The following ANKRD26 variants were observed in gnomAD, a reference collection of about 807,000 sequenced individuals.
ANKRD26 encodes ankyrin repeat domain 26, also known as ankyrin repeat domain-containing protein 26.
In ANKRD26, 141 loss-of-function variants were observed where a neutral mutation model predicts 208.7. The ratio of observed to expected loss-of-function variants is 0.68; its 90% CI spans 0.59 to 0.78. ANKRD26 has a LOEUF of 0.78. Ranked by LOEUF, ANKRD26 falls within the 30% of genes least tolerant of loss-of-function variation. The pLI is 0.00. For missense variants in ANKRD26, 1,889 were observed against 1,938.7 expected (o/e 0.97, Z 0.48); for synonymous variants, 636 against 660.4 (o/e 0.96, Z 0.57).
chr10:27,047,897 C>A (rs896264745), intron 17 of ANKRD26, among the ~76,000 whole-genome samples: 1 of 151,916 alleles, frequency 6.6e-6, no homozygotes, highest in East Asian at 1.9e-4. Flanking sequence ...GCGCCTGCCA[C>A]CATGCCTGCC....
chr10:27,066,531 C>T lies in ANKRD26; in HGVS notation c.1225G>A (p.Gly409Arg), dbSNP rs1182045224. Residue 409 changes from glycine to arginine, a missense_variant, in exon 11 of 34, where the codon GGA becomes AGA. By Grantham distance (125) the Gly-to-Arg change is moderately radical. Coordinates refer to ENST00000376087, the MANE Select transcript of ANKRD26 (RefSeq NM_014915.3). ...TCTATATCTTCCTCTTGTCCTAATC[C>T]TAATGCGGACATCATATCTATCAAA... Reference protein sequence around the residue: ...NNRSDMMSALGLGQEEDIESP... With the variant: ...NNRSDMMSALRLGQEEDIESP... The T allele has an allele frequency of 1.3e-6, 2 of 1,599,664 alleles. No individual in the cohort carries two copies. The highest frequency in any genetic ancestry group is 2.7e-5 in the African/African-American group (2 of 74,694).
chr10:26,953,193 G>C, the ANKRD26 span, among the ~76,000 whole-genome samples: 2 of 152,166 alleles, frequency 1.3e-5, no homozygotes, highest in African/African-American at 4.8e-5. Context: ...GGGAGGCTGA[G>C]GTGGGAGGTT....
chr10:27,011,321 T>C (rs1320881676), intron 32 of ANKRD26, among the ~76,000 whole-genome samples: 2 of 152,176 alleles, frequency 1.3e-5, no homozygotes, highest in East Asian at 1.9e-4. Context: ...CGGCTGCTAT[T>C]CACAGTTGCA....
At chr10:27,051,316 C>T (rs1259360881) in intron 16 of ANKRD26, 1 of 1,283,576 alleles carries the variant, frequency 7.8e-7, no homozygotes. Flanking sequence ...TTGTAAGCGT[C>T]TGTACCAGCA....
chr10:26,986,810 G>A (rs1475813199), intron 3 of ANKRD26, among the ~76,000 whole-genome samples: 1 of 152,226 alleles, frequency 6.6e-6, no homozygotes, highest in African/African-American at 2.4e-5. Flanking sequence ...GGAGAAATAG[G>A]AACACTTTTA....
chr10:26,960,486 C>T, the ANKRD26 span, among the ~76,000 whole-genome samples: 3 of 152,174 alleles, frequency 2.0e-5, no homozygotes, highest in Admixed American at 1.3e-4. Context: ...GAACACCACC[C>T]GACACCCAGT....
chr10:26,976,632 G>A (rs566593610), intron 5 of ANKRD26, among the ~76,000 whole-genome samples: 212 of 152,212 alleles, frequency 1.4e-3, no homozygotes, highest in African/African-American at 4.8e-3. Flanking sequence ...AAGGGAGGGC[G>A]GTTTGTTTGT....
At chr10:26,966,959 T>C in the ANKRD26 span, among the ~76,000 whole-genome samples, 1 of 152,220 alleles carries the variant, frequency 6.6e-6, no homozygotes, top group Admixed American at 6.5e-5. Context: ...TTACTTACCA[T>C]GTAGATTTAA....
At chr10:27,012,420 GT>G in intron 32 of ANKRD26, among the ~76,000 whole-genome samples, 1 of 151,090 alleles carries the variant, frequency 6.6e-6, no homozygotes, top group Non-Finnish European at 1.5e-5. Context: ...TAAAATTTCT[GT>G]TTCCTCACTT....
chr10:27,012,190 T>A (rs955849760), intron 32 of ANKRD26, among the ~76,000 whole-genome samples: 1 of 152,160 alleles, frequency 6.6e-6, no homozygotes, highest in African/African-American at 2.4e-5. Flanking sequence ...ACTATCAAAG[T>A]GCTATCAACC....
In ANKRD26 at chr10:27,048,966, C is replaced by T. The variant is rs952789527; in HGVS notation, c.1649G>A (p.Arg550Lys). The change falls in exon 17 of 34, where the codon AGG (arginine) becomes AAG (lysine). Residue 550 changes from arginine (R) to lysine (K), a missense_variant. Physicochemically the swap from Arg to Lys is conservative, Grantham distance 26. Coordinates refer to ENST00000376087, the MANE Select transcript of ANKRD26 (RefSeq NM_014915.3). ...ENNQPQVEEE[R>K]KKHRNNEMEV... ...CATTTCATTATTTCTGTGTTTTTTC[C>T]TTTCTTCTTCAACCTTTAATGAAAG... 6.3e-7 allele frequency: 1 copy of T among 1,599,988 alleles called. No homozygotes were observed. Among genetic ancestry groups the T allele is most frequent in the Admixed American group, 1.7e-5 (1 of 58,466 alleles).
chr10:27,048,685 T>C (rs757720824), intron 17 of ANKRD26, 116 bp downstream of exon 17: 6 of 1,025,114 alleles, frequency 5.9e-6, no homozygotes, highest in South Asian at 3.3e-5. Context: ...CAAGGCAAGG[T>C]TGCATATCCC....
chr10:27,025,756 A>G (rs2053640263), intron 27 of ANKRD26, among the ~76,000 whole-genome samples: 1 of 152,048 alleles, frequency 6.6e-6, no homozygotes, highest in Admixed American at 6.6e-5. Flanking sequence ...AAATTCTCTA[A>G]GAGCTCCTTA....
chr10:27,001,467 A>T (rs1037229450), downstream of ANKRD26, among the ~76,000 whole-genome samples: 3 of 152,206 alleles, frequency 2.0e-5, no homozygotes, highest in Non-Finnish European at 4.4e-5. Flanking sequence ...GGTGAAATGC[A>T]CAGGGTTTTA....
At chr10:26,953,482 A>T in the ANKRD26 span, among the ~76,000 whole-genome samples, 13 of 152,238 alleles carry the variant, frequency 8.5e-5, no homozygotes, top group Admixed American at 8.5e-4. Context: ...GGTTTACAGT[A>T]CTGTGTGAAA....
Position 27,100,204 on chromosome 10 carries a change from G to A in ANKRD26, c.123C>T (p.His41=), listed in dbSNP as rs757949761. Residue 41 remains histidine (H), a synonymous_variant, in exon 1 of 34, where the codon CAC becomes CAT. Transcript: ENST00000376087. ...TCTTGCCGAGATCTCGGTCTCGGAC[G>A]TGGTAGCCGGGCTGCGAGTAGGCGC... ...GEGAYSQPGY[H]VRDRDLGKIH... 2.5e-6 allele frequency: 4 copies of A among 1,613,630 alleles called. No individual in the cohort carries two copies. The Admixed American group carries it at 6.7e-5, about 27-fold the overall frequency.
chr10:27,013,225 C>T lies in ANKRD26; in HGVS notation c.4725-115G>A, dbSNP rs139841027. ...GGAGTAAATGAAATTTCCCATTAACCAGTATTTTAACACTGAAAAATGTGT... is the reference window on the plus strand; with the variant it reads ...GGAGTAAATGAAATTTCCCATTAACTAGTATTTTAACACTGAAAAATGTGT... On this transcript the variant is annotated intron_variant, in intron 31 of 33. Transcript: ENST00000376087. 8,747 of 893,398 alleles carry T rather than the reference C, an allele frequency of 9.8e-3. 81 individuals are homozygous for T. The highest frequency in any genetic ancestry group is 0.012 in the Non-Finnish European group (6,608 of 555,660). 55.3% of individuals were successfully genotyped at this position (893,398 alleles called of 1,614,324 possible). A position where few individuals can be genotyped will look rare whatever the true frequency, so the allele number is the denominator to read the frequency against.
intron 25 of ANKRD26, among the ~76,000 whole-genome samples, chr10:27,032,045 G>C (rs908846482): frequency 1.3e-5 from 2 of 152,058 alleles, no homozygotes; most frequent in Admixed American, 6.5e-5. Context: ...AACTTAATCT[G>C]GCTTGCCATG....
At chr10:27,001,613 C>A (rs566608992), downstream of ANKRD26, among the ~76,000 whole-genome samples, 9 of 152,104 alleles carry the variant, frequency 5.9e-5, no homozygotes, top group African/African-American at 2.2e-4. Context: ...AAAATCTGGC[C>A]GCCCCCACCC....
Sources: gnomAD v4.1 joint callset for allele counts (sites outside exome capture counted in the v4.1 genomes callset) on GRCh38, gnomAD v4.1.1 for gene constraint, MANE v1.5 for transcripts, NCBI Gene and HGNC (gene_info 2026-07-23, HGNC 2026-07-21) for gene names.